The following EYS variants were observed in gnomAD, a reference collection of about 807,000 sequenced individuals.
The protein encoded by EYS is protein eyes shut homolog.
EYS carries 250 observed loss-of-function variants against 282.1 expected under a neutral mutation model. That is an observed-to-expected ratio of 0.89 (90% CI 0.80 to 0.98). The LOEUF is 0.98. Ranked by LOEUF, EYS falls within the 50% of genes least tolerant of loss-of-function variation. EYS has a pLI of 0.00. For missense variants in EYS, 4,016 were observed against 3,709.0 expected (o/e 1.08, Z -2.15); for synonymous variants, 1,355 against 1,282.9 (o/e 1.06, Z -1.20).
At chr6:64,651,514 A>G (rs1768560709) in intron 22 of EYS, among the ~76,000 whole-genome samples, 1 of 152,138 alleles carries the variant, frequency 6.6e-6, no homozygotes, top group African/African-American at 2.4e-5. Flanking sequence ...GCAAAAAACA[A>G]ACTTGTAAAA....
rs144837358 is a variant in EYS, at chr6:64,076,963, C to T, written c.6571+4893G>A. On this transcript the variant is annotated intron_variant, in intron 32 of 42. Coordinates refer to ENST00000503581, the MANE Select transcript of EYS (RefSeq NM_001142800.2). ...AGGGATATATAGACCATCACTTATT[C>T]AACTTTGTATCCCTCACATTGCCCA... Among the ~76,000 whole-genome samples, 483 of 152,058 alleles carry T rather than the reference C, an allele frequency of 3.2e-3. 2 individuals carry two copies. The highest frequency in any genetic ancestry group is 0.014 in the Middle Eastern group (4 of 294).
intron 12 of EYS, among the ~76,000 whole-genome samples, chr6:65,136,664 C>CA (rs11333692): frequency 6.6e-6 from 1 of 151,858 alleles, no homozygotes; most frequent in East Asian, 1.9e-4. Flanking sequence ...TGTTACTAGA[C>CA]AAAAAAATAT....
intron 2 of EYS, among the ~76,000 whole-genome samples, chr6:65,610,550 T>C (rs1478661690): frequency 6.6e-6 from 1 of 152,142 alleles, no homozygotes; most frequent in East Asian, 1.9e-4. Context: ...TTCTAACCTA[T>C]GTGCCATAAC....
intron 22 of EYS, among the ~76,000 whole-genome samples, chr6:64,776,970 C>T (rs962604532): frequency 2.6e-5 from 4 of 152,116 alleles, no homozygotes; most frequent in Admixed American, 6.6e-5. Context: ...TTCGGCATGG[C>T]TGCGGAGGCC....
intron 31 of EYS, among the ~76,000 whole-genome samples, chr6:64,166,559 C>A (rs1404284594): frequency 1.3e-5 from 2 of 152,088 alleles, no homozygotes; most frequent in African/African-American, 4.8e-5. Context: ...CTGTCCAGGT[C>A]TAGAATCTGC....
intron 33 of EYS, among the ~76,000 whole-genome samples, chr6:64,009,257 G>C (rs1768490821): frequency 6.6e-6 from 1 of 150,650 alleles, no homozygotes; most frequent in Admixed American, 6.6e-5. Flanking sequence ...GGTCAATTCT[G>C]CTGTTAATTT....
intron 2 of EYS, among the ~76,000 whole-genome samples, chr6:65,549,319 A>G: frequency 7.5e-6 from 1 of 134,016 alleles, no homozygotes; most frequent in African/African-American, 2.8e-5. Flanking sequence ...CATGGGGAGA[A>G]CTGGAGATGC....
chr6:64,828,228 T>C (rs566437513), intron 19 of EYS, among the ~76,000 whole-genome samples: 2 of 151,468 alleles, frequency 1.3e-5, no homozygotes, highest in African/African-American at 4.8e-5. Flanking sequence ...GTAAAAAGAG[T>C]AAGAAAACAG....
rs767763073 is a variant in EYS at position 65,494,551 on chromosome 6, G to T, written c.748+112C>A. ...CCACCTCGGCCTCCCAAAGTGCTGG[G>T]ATTACAGGTGTGAGCCACCGCATTT... On this transcript the variant is annotated intron_variant, in intron 4 of 42. Coordinates refer to ENST00000503581, the MANE Select transcript of EYS (RefSeq NM_001142800.2). 175 of 1,016,920 alleles carry T rather than the reference G, an allele frequency of 1.7e-4. No homozygotes were observed. The Middle Eastern group carries it at 2.3e-3, about 13-fold the overall frequency. 63.0% of individuals were successfully genotyped at this position (1,016,920 alleles called of 1,614,324 possible). A position where few individuals can be genotyped will look rare whatever the true frequency, so the allele number is the denominator to read the frequency against.
chr6:64,254,558 C>T (rs1441516364), intron 30 of EYS, among the ~76,000 whole-genome samples: 1 of 152,064 alleles, frequency 6.6e-6, no homozygotes, highest in African/African-American at 2.4e-5. Flanking sequence ...GTCCCCGTCT[C>T]TGAGGTCACA....
intron 12 of EYS, among the ~76,000 whole-genome samples, chr6:65,064,603 A>G (rs1416009983): frequency 1.3e-5 from 2 of 149,810 alleles, no homozygotes; most frequent in African/African-American, 4.9e-5. Context: ...CTATATAGCT[A>G]TATAGTAATA....
intron 31 of EYS, among the ~76,000 whole-genome samples, chr6:64,187,584 A>G (rs1764984617): frequency 6.6e-6 from 1 of 152,096 alleles, no homozygotes; most frequent in South Asian, 2.1e-4. Context: ...GTCCAGCTAT[A>G]CAGTTTGGAG....
At chr6:64,551,253 T>C (rs1407415399) in intron 26 of EYS, among the ~76,000 whole-genome samples, 3 of 150,590 alleles carry the variant, frequency 2.0e-5, no homozygotes, top group East Asian at 3.9e-4. Context: ...TAAGTTTATT[T>C]AAATTTATCT....
At chr6:64,671,326 C>T (rs746585334) in intron 22 of EYS, among the ~76,000 whole-genome samples, 2 of 151,982 alleles carry the variant, frequency 1.3e-5, no homozygotes, top group Admixed American at 6.6e-5. Context: ...ATAAAAGAGA[C>T]CCCAGAGAGA....
At chr6:65,149,870 G>A (rs576786641) in intron 12 of EYS, among the ~76,000 whole-genome samples, 4 of 152,104 alleles carry the variant, frequency 2.6e-5, no homozygotes, top group Non-Finnish European at 4.4e-5. Context: ...AAGAAAAGAG[G>A]TTTAATTGAC....
chr6:64,914,431 A>C (rs769521982), intron 15 of EYS, among the ~76,000 whole-genome samples: 1 of 152,148 alleles, frequency 6.6e-6, no homozygotes, highest in Non-Finnish European at 1.5e-5. Context: ...ACTTGAAAAA[A>C]GTCATAGTGC....
At chr6:64,732,201 C>T (rs932631636) in intron 22 of EYS, among the ~76,000 whole-genome samples, 2 of 151,844 alleles carry the variant, frequency 1.3e-5, no homozygotes, top group African/African-American at 2.4e-5. Flanking sequence ...AGGAGAAATA[C>T]CTAATGTTGG....
chr6:64,087,676 A>T (rs1228336859), intron 31 of EYS, among the ~76,000 whole-genome samples: 1 of 152,138 alleles, frequency 6.6e-6, no homozygotes, highest in Non-Finnish European at 1.5e-5. Flanking sequence ...TTTGAAAACA[A>T]AAATCAGAAA....
At chr6:65,477,821 A>G (rs1425612611) in intron 5 of EYS, among the ~76,000 whole-genome samples, 1 of 152,140 alleles carries the variant, frequency 6.6e-6, no homozygotes, top group East Asian at 1.9e-4. Context: ...TCTGTGTGTT[A>G]ATAAAACATG....
Sources: gnomAD v4.1 joint callset for allele counts (sites outside exome capture counted in the v4.1 genomes callset) on GRCh38, gnomAD v4.1.1 for gene constraint, MANE v1.5 for transcripts, NCBI Gene and HGNC (gene_info 2026-07-23, HGNC 2026-07-21) for gene names.